AACS: variants seen among roughly 807,000 people sequenced by gnomAD.
AACS encodes the protein acetoacetyl-CoA synthetase.
AACS carries 69 observed loss-of-function variants against 83.1 expected under a neutral mutation model. The observed-to-expected ratio is 0.83, with a 90% CI of 0.68 to 1.01. The LOEUF is 1.01. Among genes scored for constraint, AACS ranks in the 50% least tolerant of loss-of-function variants. The pLI, the probability that AACS is intolerant of heterozygous loss-of-function variation, is 0.00. For missense variants in AACS, 866 were observed against 882.2 expected, an observed-to-expected ratio of 0.98 and a Z score of 0.23; for synonymous variants, 333 against 343.4, an observed-to-expected ratio of 0.97 and a Z score of 0.33.
At chr12:125,101,799 C>T (rs1263529960) in intron 5 of AACS, 1 of 120,300 alleles carries the variant, frequency 8.3e-6, no homozygotes, top group Non-Finnish European at 1.6e-5. Context: ...TGGAGTCTCA[C>T]TCTGTCGCCC....
Position 125,118,183 on chromosome 12 carries a change from C to A in AACS, c.997-458C>A, listed in dbSNP as rs142655912. Reference sequence around the variant, plus strand: ...CGGGAGGCAGGTTCCCGACACCATTCATCATGGATGAACAATGTCTTGGGG... The same window carrying A: ...CGGGAGGCAGGTTCCCGACACCATTAATCATGGATGAACAATGTCTTGGGG... On this transcript the variant is annotated intron_variant, in intron 9 of 17. Transcript: ENST00000316519. The A allele has an allele frequency of 1.0e-3, 165 of 164,552 alleles. 3 individuals carry two copies. The South Asian group carries it at 0.01, about 10-fold the overall frequency. 10.2% of individuals were successfully genotyped at this position (164,552 alleles called of 1,614,324 possible). A position where few individuals can be genotyped will look rare whatever the true frequency, so the allele number is the denominator to read the frequency against.
chr12:125,108,933 A>G (rs1565942782), intron 8 of AACS, among the ~76,000 whole-genome samples: 1 of 147,882 alleles, frequency 6.8e-6, no homozygotes, highest in East Asian at 2.0e-4. Flanking sequence ...CTAGGCTCAT[A>G]TATTCCACCT....
At position 125,124,951 on chromosome 12, in the gene AACS, C is replaced by G. The variant is rs1957223077; in HGVS notation, c.1236C>G (p.Ser412=). The change falls in exon 12 of 18, where the codon TCC becomes TCG. Residue 412 remains serine, a synonymous_variant. Coordinates refer to ENST00000316519, the MANE Select transcript of AACS (RefSeq NM_023928.5). ...QMLHTILSTG[S]PLKAQSYEYV... ...TCCACACGATCCTGTCCACTGGCTC[C>G]CCACTGAAAGCCCAGAGCTACGAGT... 6.2e-7 allele frequency: 1 copy of G among 1,614,224 alleles called. No homozygotes were observed. Among genetic ancestry groups the G allele is most frequent in the African/African-American group, 1.3e-5 (1 of 75,056 alleles).
intron 1 of AACS, among the ~76,000 whole-genome samples, chr12:125,068,035 A>G (rs1955752967): frequency 6.6e-6 from 1 of 152,200 alleles, no homozygotes; most frequent in African/African-American, 2.4e-5. Context: ...TGGAGTAAAC[A>G]TGAGCAAGTG....
intron 17 of AACS, chr12:125,139,267 C>G (rs563784252): frequency 2.0e-5 from 3 of 152,460 alleles, no homozygotes; most frequent in African/African-American, 7.2e-5. Flanking sequence ...CCTCACTCAC[C>G]CGCCACAGCT....
chr12:125,086,236 C>T lies in AACS; in HGVS notation c.359-94C>T. 5 of 1,032,570 alleles carry T rather than the reference C, an allele frequency of 4.8e-6. 1 individual carries two copies. The highest frequency in any genetic ancestry group is 7.4e-6 in the Non-Finnish European group (5 of 674,730). The allele number at this position is 1,032,570 out of a possible 1,614,324, so 64.0% of individuals were successfully genotyped here. A position where few individuals can be genotyped will look rare whatever the true frequency, so the allele number is the denominator to read the frequency against. On this transcript the variant is annotated intron_variant, in intron 3 of 17. Coordinates refer to ENST00000316519, the MANE Select transcript of AACS (RefSeq NM_023928.5). ...TCCCTGGGTGTAGATTAATAACCTG[C>T]ATTGAAACAGGTGGGATTTTTCATT...
At chr12:125,142,061 ATG>A in intron 17 of AACS, 29 bp from the exon 18 acceptor site, 1 of 1,612,846 alleles carries the variant, frequency 6.2e-7, no homozygotes, top group East Asian at 2.2e-5. Context: ...TCAGGTTTAA[ATG>A]TTCCTGTTTT....
intron 3 of AACS, among the ~76,000 whole-genome samples, chr12:125,080,325 T>TAA (rs893158480): frequency 1.3e-5 from 2 of 152,002 alleles, no homozygotes; most frequent in South Asian, 2.1e-4. Flanking sequence ...TGTGAATCCT[T>TAA]AAAAAAAACC....
rs146661151 is a variant in AACS at position 125,094,039 on chromosome 12, C to T, written c.570+2516C>T. ...GTAAGGACCTGGCACAGGTCGACTG[C>T]GCGAAAGCCTCTGCTCACCCTCTAT... On this transcript the variant is annotated intron_variant, in intron 5 of 17. Transcript: ENST00000316519. The surrounding 1 kb of genome is among the most constrained non-coding windows in gnomAD (Gnocchi z 4.1). Among the ~76,000 whole-genome samples, 49 of 152,194 alleles carry T rather than the reference C, an allele frequency of 3.2e-4. No individual in the cohort carries two copies. The South Asian group carries it at 5.0e-3, about 15-fold the overall frequency.
chr12:125,132,732 C>T (rs1397087814), intron 14 of AACS, among the ~76,000 whole-genome samples: 2 of 152,192 alleles, frequency 1.3e-5, no homozygotes, highest in Non-Finnish European at 2.9e-5. Context: ...GGGCTCATTT[C>T]ATTCTCTTCA....
At chr12:125,133,573 A>T (rs1308906478) in intron 14 of AACS, among the ~76,000 whole-genome samples, 2 of 152,302 alleles carry the variant, frequency 1.3e-5, no homozygotes, top group African/African-American at 4.8e-5. Flanking sequence ...GAGCACGTGT[A>T]TTCCATTCCA....
In AACS at chr12:125,102,983, C is replaced by T. The variant is rs1308198564; in HGVS notation, c.686-17C>T. ...TTTGTCCTGTAACCTTGTGTTTTCT[C>T]CTCTCGCTCCTTCCAGGCCTACCAG... On this transcript the variant is annotated splice_polypyrimidine_tract_variant and intron_variant, in intron 6 of 17. Transcript: ENST00000316519. The T allele has an allele frequency of 5.0e-6, 8 of 1,606,096 alleles. No individual in the cohort carries two copies. The highest frequency in any genetic ancestry group is 1.7e-4 in the Middle Eastern group (1 of 6,010).
At chr12:125,095,801 C>T (rs1000703412) in intron 5 of AACS, among the ~76,000 whole-genome samples, 5 of 152,104 alleles carry the variant, frequency 3.3e-5, no homozygotes, top group Admixed American at 6.6e-5. Context: ...GTTCCATGTA[C>T]GGTATTAGTG....
chr12:125,078,543 G>C (rs1956086899), intron 3 of AACS, among the ~76,000 whole-genome samples: 1 of 152,178 alleles, frequency 6.6e-6, no homozygotes, highest in Non-Finnish European at 1.5e-5. Flanking sequence ...CATTAGGGCT[G>C]GGTGCAGTGG....
intron 5 of AACS, chr12:125,100,761 G>A (rs1404540671): frequency 6.6e-6 from 1 of 152,122 alleles, no homozygotes; most frequent in Non-Finnish European, 1.5e-5. Flanking sequence ...CTGCCTGGGG[G>A]ACCACACTTT....
In AACS at chr12:125,076,599, C is replaced by T. The variant is rs769070014; in HGVS notation, c.346C>T (p.Leu116Phe). The T allele has an allele frequency of 6.2e-6, 10 of 1,614,066 alleles. No homozygotes were observed. In the East Asian group the frequency reaches 1.8e-4, roughly 29 times the overall value. Reference sequence around the variant, plus strand: ...GCACAAAGAGAATGACAGAGTTGCCCTTTACATTGCAAGTAAGTCCTGATG... The same window carrying T: ...GCACAAAGAGAATGACAGAGTTGCCTTTTACATTGCAAGTAAGTCCTGATG... ...LRHKENDRVA[L>F]YIAREGKEEI... Residue 116 changes from leucine to phenylalanine, a missense_variant, in exon 3 of 18, where the codon CTT becomes TTT. Coordinates refer to ENST00000316519, the MANE Select transcript of AACS (RefSeq NM_023928.5).
At chr12:125,085,540 T>G (rs1270957523) in intron 3 of AACS, among the ~76,000 whole-genome samples, 1 of 152,258 alleles carries the variant, frequency 6.6e-6, no homozygotes, top group East Asian at 1.9e-4. Flanking sequence ...GCACGTTGCA[T>G]CCACATCTGT....
intron 5 of AACS, among the ~76,000 whole-genome samples, chr12:125,098,467 T>C (rs549540097): frequency 2.0e-5 from 3 of 151,770 alleles, no homozygotes; most frequent in Non-Finnish European, 4.4e-5. Context: ...TTTTTTTTTT[T>C]CTGAGACAGA....
intron 2 of AACS, among the ~76,000 whole-genome samples, chr12:125,074,974 A>AG (rs1367464727): frequency 1.0e-5 from 1 of 99,456 alleles, no homozygotes; most frequent in Non-Finnish European, 2.1e-5. Flanking sequence ...ACATTGTCAT[A>AG]GTTTTTTTTT....
Sources: allele counts gnomAD v4.1 joint callset (sites outside exome capture counted in the v4.1 genomes callset), GRCh38; gene constraint gnomAD v4.1.1; non-coding constraint Gnocchi (gnomAD v3.1); transcripts MANE v1.5; gene names NCBI Gene and HGNC (gene_info 2026-07-23, HGNC 2026-07-21).